Variants in SLC12A7 observed in about 807,000 individuals in gnomAD.
SLC12A7 encodes the protein K-Cl cotransporter 4.
SLC12A7 carries 100 observed loss-of-function variants against 120.6 expected under a neutral mutation model. That is an observed-to-expected ratio of 0.83 (90% CI 0.71 to 0.98). The LOEUF (loss-of-function observed/expected upper bound fraction) is 0.98, where lower values mean the gene tolerates loss of function less well. SLC12A7 is among the 50% of genes least tolerant of loss of function. SLC12A7 has a pLI of 0.00. For missense variants in SLC12A7, 1,373 were observed against 1,548.1 expected (o/e 0.89, Z 1.90); for synonymous variants, 760 against 678.0 (o/e 1.12, Z -1.88).
chr5:1,055,019 G>A (rs1735460353), intron 22 of SLC12A7, among the ~76,000 whole-genome samples: 1 of 152,230 alleles, frequency 6.6e-6, no homozygotes, highest in Non-Finnish European at 1.5e-5. Flanking sequence ...TCCACAGCCA[G>A]TGAGTGCTGG....
At chr5:1,096,374 A>C (rs1481589630) in intron 1 of SLC12A7, among the ~76,000 whole-genome samples, 3 of 152,164 alleles carry the variant, frequency 2.0e-5, no homozygotes, top group Admixed American at 6.5e-5. Flanking sequence ...AACCTTTCTG[A>C]AATCTAAAAT....
chr5:1,110,286 C>T (rs2075503301), intron 1 of SLC12A7, among the ~76,000 whole-genome samples: 1 of 152,224 alleles, frequency 6.6e-6, no homozygotes, highest in African/African-American at 2.4e-5. Context: ...GTCCAGAAGC[C>T]CACACCTGGC....
the SLC12A7 span, among the ~76,000 whole-genome samples, chr5:1,136,769 G>A: frequency 7.2e-6 from 1 of 138,606 alleles, no homozygotes; most frequent in South Asian, 2.4e-4. Flanking sequence ...GCACACGTGT[G>A]CTCAGACACC....
chr5:1,154,634 C>A, the SLC12A7 span, among the ~76,000 whole-genome samples: 1 of 152,202 alleles, frequency 6.6e-6, no homozygotes, highest in African/African-American at 2.4e-5. Flanking sequence ...GAGATGCTCG[C>A]TCCTCTGGGC....
upstream of SLC12A7, among the ~76,000 whole-genome samples, chr5:1,115,573 A>G (rs1743283127): frequency 6.6e-6 from 1 of 152,202 alleles, no homozygotes; most frequent in Non-Finnish European, 1.5e-5. Context: ...GCTGTCGGGT[A>G]TCAGGCAGGG....
rs940573267 is a variant in SLC12A7 at position 1,081,383 on chromosome 5, C to T, written c.1297+194G>A. 5.3e-5 allele frequency among the ~76,000 whole-genome samples: 8 copies of T among 152,142 alleles called. No individual in the cohort carries two copies. The East Asian group carries it at 9.7e-4, about 18-fold the overall frequency. On this transcript the variant is annotated intron_variant, in intron 9 of 23. Coordinates refer to ENST00000264930, the MANE Select transcript of SLC12A7 (RefSeq NM_006598.3). ...ACAAAAAATACAGATATTAGCCGGG[C>T]GTGGTACTGGGTGCCTGGGGTCCCA... is the stretch of plus-strand genomic sequence containing the variant.
At chr5:1,137,330 A>T in the SLC12A7 span, among the ~76,000 whole-genome samples, 1 of 152,008 alleles carries the variant, frequency 6.6e-6, no homozygotes. Flanking sequence ...AAGGACAAGG[A>T]TCAGACCACG....
chr5:1,063,864 C>T lies in SLC12A7; in HGVS notation c.2719G>A (p.Glu907Lys), dbSNP rs765374153. 17 of 1,608,916 alleles carry T rather than the reference C, an allele frequency of 1.1e-5. No homozygotes were observed. The highest frequency in any genetic ancestry group is 4.5e-5 in the East Asian group (2 of 44,710). Reference protein sequence around the residue: ...MFLYHLRISAEVEVVEMVEND... With the variant: ...MFLYHLRISAKVEVVEMVEND... ...CTCACCATCTCCACCACCTCCACCTCGGCGCTGATGCGCAAGTGGTACAAG... is the reference window on the plus strand; with the variant it reads ...CTCACCATCTCCACCACCTCCACCTTGGCGCTGATGCGCAAGTGGTACAAG... The change falls in exon 20 of 24, where the codon GAG (glutamate) becomes AAG (lysine). Residue 907 changes from glutamate (E) to lysine (K), a missense_variant. Physicochemically the swap from Glu to Lys is moderately conservative, Grantham distance 56 (BLOSUM62 1). Transcript: ENST00000264930.
the SLC12A7 span, among the ~76,000 whole-genome samples, chr5:1,148,205 C>CTTTTTTTTT: frequency 1.2e-3 from 130 of 107,594 alleles, no homozygotes; most frequent in African/African-American, 1.7e-3. Context: ...TTCTTTCTTT[C>CTTTTTTTTT]TTTTTTTTTT....
the SLC12A7 span, among the ~76,000 whole-genome samples, chr5:1,117,888 G>A: frequency 6.6e-6 from 1 of 152,130 alleles, no homozygotes; most frequent in Non-Finnish European, 1.5e-5. The surrounding 1 kb of genome is among the most constrained non-coding windows in gnomAD (Gnocchi z 4.5). Context: ...TGGCTAACAC[G>A]GTGAAACCCC....
At chr5:1,154,149 G>A in the SLC12A7 span, among the ~76,000 whole-genome samples, 8 of 150,262 alleles carry the variant, frequency 5.3e-5, no homozygotes, top group Non-Finnish European at 8.9e-5. Context: ...CAAGTGTCCC[G>A]TCCACCTCAT....
chr5:1,146,758 C>T, the SLC12A7 span, among the ~76,000 whole-genome samples: 1 of 152,316 alleles, frequency 6.6e-6, no homozygotes, highest in East Asian at 1.9e-4. The surrounding 1 kb of genome is among the most constrained non-coding windows in gnomAD (Gnocchi z 6.5). Context: ...CAGCCCCTTA[C>T]CCTAACCCAG....
In SLC12A7 at chr5:1,052,198, G is replaced by A. The variant is rs1008426077; in HGVS notation, c.*162C>T. The stretch of plus-strand genomic sequence containing the variant: ...TTAAGGCTGAACAGGAGAGCCCTAG[G>A]TGACGGGCCTAGAAACTTCCGTAGG... On this transcript the variant is annotated 3_prime_UTR_variant, in exon 24 of 24. Transcript: ENST00000264930. The A allele has an allele frequency of 2.6e-5, 17 of 643,324 alleles. No homozygotes were observed. The African/African-American group carries it at 3.1e-4, about 12-fold the overall frequency. 39.9% of individuals were successfully genotyped at this position (643,324 alleles called of 1,614,324 possible).
At chr5:1,060,612 T>C (rs1736083463) in intron 20 of SLC12A7, among the ~76,000 whole-genome samples, 161 bp from the exon 21 acceptor site, 1 of 152,176 alleles carries the variant, frequency 6.6e-6, no homozygotes, top group South Asian at 2.1e-4. Context: ...CCCCGCCCAG[T>C]GGCCAGGAAG....
At chr5:1,064,874 G>A (rs1371635741) in intron 18 of SLC12A7, among the ~76,000 whole-genome samples, 1 of 143,760 alleles carries the variant, frequency 7.0e-6, no homozygotes, top group East Asian at 2.1e-4. Context: ...GGACAGCGAG[G>A]GGACGGCGAG....
the SLC12A7 span, among the ~76,000 whole-genome samples, chr5:1,155,692 G>A: frequency 1.3e-5 from 2 of 151,108 alleles, no homozygotes; most frequent in South Asian, 2.1e-4. Context: ...CCGGGCTCGC[G>A]GCAGTAGAGC....
chr5:1,122,723 C>A, the SLC12A7 span, among the ~76,000 whole-genome samples: 22 of 152,202 alleles, frequency 1.4e-4, no homozygotes, highest in African/African-American at 5.3e-4. Flanking sequence ...CCACACAGCT[C>A]CTTGGTGCTG....
At chr5:1,074,794 G>A in intron 15 of SLC12A7, 123 bp from the exon 16 acceptor site, 1 of 882,922 alleles carries the variant, frequency 1.1e-6, no homozygotes, top group Non-Finnish European at 1.7e-6. Flanking sequence ...AAAGTCCCTG[G>A]ATGAGGAGGG....
chr5:1,075,864 C>T lies in SLC12A7; in HGVS notation c.1847+274G>A, dbSNP rs544818489. 1.2e-3 allele frequency: 637 copies of T among 514,330 alleles called. 7 individuals are homozygous for T. The East Asian group carries it at 0.019, about 15-fold the overall frequency. 31.9% of individuals were successfully genotyped at this position (514,330 alleles called of 1,614,324 possible). On this transcript the variant is annotated intron_variant, in intron 14 of 23. Coordinates refer to ENST00000264930, the MANE Select transcript of SLC12A7 (RefSeq NM_006598.3). ...AAGCCTGGGAAGGCTGGGCTGACCA[C>T]GGGAGGTACAAGGCACATGCAGACA...
Sources: gnomAD v4.1 joint callset for allele counts (sites outside exome capture counted in the v4.1 genomes callset) on GRCh38, gnomAD v4.1.1 for gene constraint, Gnocchi (gnomAD v3.1) non-coding constraint, MANE v1.5 for transcripts, NCBI Gene and HGNC (gene_info 2026-07-23, HGNC 2026-07-21) for gene names.